Variants in HS2ST1 observed in about 807,000 individuals in gnomAD.
HS2ST1 encodes 2-O-sulfotransferase.
A neutral mutation model predicts 42.9 loss-of-function variants in HS2ST1; 18 were observed. That is an observed-to-expected ratio of 0.42 (90% confidence interval 0.29 to 0.62). The LOEUF is 0.62. Ranked by LOEUF, HS2ST1 falls within the 20% of genes least tolerant of loss-of-function variation. The pLI is 0.21. For missense variants in HS2ST1, 334 were observed against 433.8 expected, an observed-to-expected ratio of 0.77 and a Z score of 2.04; for synonymous variants, 146 against 152.9, an observed-to-expected ratio of 0.95 and a Z score of 0.33.
chr1:87,013,404 G>T (rs1040430844), intron 1 of HS2ST1, among the ~76,000 whole-genome samples: 2 of 152,212 alleles, frequency 1.3e-5, no homozygotes, highest in African/African-American at 4.8e-5. Context: ...GCTGTACCTT[G>T]GCCCCTTTTA....
intron 4 of HS2ST1, among the ~76,000 whole-genome samples, chr1:87,095,666 C>T (rs951884549): frequency 2.6e-5 from 4 of 152,098 alleles, no homozygotes; most frequent in African/African-American, 9.7e-5. Flanking sequence ...GGTTCTCAAA[C>T]TTTTTGATAT....
chr1:86,939,561 C>G lies in HS2ST1; in HGVS notation c.124+24401C>G, dbSNP rs367869418. Reference sequence around the variant, plus strand: ...TTAGAATAGTGGTTTTCGCTCTTGGCTACATGTAGGAATCATGTTGGAAGA... The same window carrying G: ...TTAGAATAGTGGTTTTCGCTCTTGGGTACATGTAGGAATCATGTTGGAAGA... On this transcript the variant is annotated intron_variant, in intron 1 of 6. Coordinates refer to ENST00000370550, the MANE Select transcript of HS2ST1 (RefSeq NM_012262.4). 3.2e-3 allele frequency among the ~76,000 whole-genome samples: 482 copies of G among 152,262 alleles called. 4 individuals are homozygous for G. Among genetic ancestry groups the G allele is most frequent in the South Asian group, 0.028 (133 of 4,824 alleles).
chr1:87,012,672 C>T (rs1649635402), intron 1 of HS2ST1, among the ~76,000 whole-genome samples: 2 of 152,178 alleles, frequency 1.3e-5, no homozygotes, highest in Non-Finnish European at 2.9e-5. Flanking sequence ...TTAACTCATT[C>T]AGCATTAACT....
At chr1:87,023,875 A>G (rs200917335) in intron 1 of HS2ST1, among the ~76,000 whole-genome samples, 9 of 151,932 alleles carry the variant, frequency 5.9e-5, no homozygotes, top group African/African-American at 1.7e-4. Context: ...AAATATATCT[A>G]TTGAGGTCAT....
Position 87,050,099 on chromosome 1 carries a change from C to T in HS2ST1, c.125-22835C>T, listed in dbSNP as rs550847085. Among the ~76,000 whole-genome samples the T allele has an allele frequency of 1.3e-5, 2 of 151,862 alleles. 1 individual carries two copies. The highest frequency in any genetic ancestry group is 4.2e-4 in the South Asian group (2 of 4,818). Reference sequence around the variant, plus strand: ...TTTGTGATAATGTGATATATCTTTTCTCATCCTTTTGCTTTTAAGTTATTT... The same window carrying T: ...TTTGTGATAATGTGATATATCTTTTTTCATCCTTTTGCTTTTAAGTTATTT... On this transcript the variant is annotated intron_variant, in intron 1 of 6. Transcript: ENST00000370550.
intron 1 of HS2ST1, among the ~76,000 whole-genome samples, chr1:87,014,109 G>A (rs114116059): frequency 0.01 from 1,590 of 152,086 alleles, 17 homozygotes; most frequent in Middle Eastern, 0.014. Flanking sequence ...CACATTTGTG[G>A]GTATCTTTAC....
intron 1 of HS2ST1, among the ~76,000 whole-genome samples, chr1:87,004,216 C>T (rs1033633310): frequency 2.6e-5 from 4 of 152,050 alleles, no homozygotes; most frequent in African/African-American, 9.7e-5. Context: ...CGTGGTGAAA[C>T]CCCATCTCTA....
At chr1:86,931,955 G>A (rs1383747357) in intron 1 of HS2ST1, among the ~76,000 whole-genome samples, 4 of 151,710 alleles carry the variant, frequency 2.6e-5, no homozygotes, top group Admixed American at 1.3e-4. Flanking sequence ...TCTTCTTTTT[G>A]TAGAGACAAG....
chr1:87,042,902 T>G (rs1650557429), intron 1 of HS2ST1, among the ~76,000 whole-genome samples: 1 of 152,148 alleles, frequency 6.6e-6, no homozygotes, highest in Admixed American at 6.5e-5. Context: ...TTACACCACA[T>G]AAAATTAAGT....
Position 87,097,840 on chromosome 1 carries a change from C to G in HS2ST1, c.591C>G (p.Thr197=). 6.2e-7 allele frequency: 1 copy of G among 1,613,886 alleles called. No individual in the cohort carries two copies. Among genetic ancestry groups the G allele is most frequent in the Non-Finnish European group, 8.5e-7 (1 of 1,179,906 alleles). The stretch of plus-strand genomic sequence containing the variant: ...GTGCTGCTTTGTCTTTGTTCTAGAC[C>G]TTTGATGAATGTGTAGCAGAAGGTG... ...LRRRKQGDKK[T]FDECVAEGGS... Residue 197 remains threonine (T), a splice_region_variant and synonymous_variant, in exon 5 of 7, where the codon ACC becomes ACG. Transcript: ENST00000370550.
At chr1:86,949,143 C>G (rs1647426584) in intron 1 of HS2ST1, among the ~76,000 whole-genome samples, 1 of 152,170 alleles carries the variant, frequency 6.6e-6, no homozygotes, top group Non-Finnish European at 1.5e-5. Flanking sequence ...GAGTCTTGCT[C>G]TTTCGCTCAG....
intron 1 of HS2ST1, among the ~76,000 whole-genome samples, chr1:87,016,956 T>C (rs1649776938): frequency 6.6e-6 from 1 of 152,128 alleles, no homozygotes; most frequent in African/African-American, 2.4e-5. Flanking sequence ...ATGTTATCTT[T>C]AGGGTGCCTT....
intron 1 of HS2ST1, among the ~76,000 whole-genome samples, chr1:86,976,624 T>C (rs922064163): frequency 6.7e-6 from 1 of 149,104 alleles, no homozygotes; most frequent in African/African-American, 2.4e-5. Flanking sequence ...TTAAATGCTA[T>C]GAAAAAGAAT....
intron 1 of HS2ST1, among the ~76,000 whole-genome samples, chr1:86,957,973 A>C (rs1647722017): frequency 3.3e-5 from 5 of 152,094 alleles, no homozygotes; most frequent in Admixed American, 2.6e-4. Context: ...TTGTATTTTT[A>C]GTAAAGACGG....
intron 1 of HS2ST1, among the ~76,000 whole-genome samples, chr1:87,050,087 G>C (rs1351694691): frequency 6.6e-6 from 1 of 151,812 alleles, no homozygotes; most frequent in Non-Finnish European, 1.5e-5. Flanking sequence ...GTGATAATGT[G>C]ATATATCTTT....
intron 1 of HS2ST1, among the ~76,000 whole-genome samples, chr1:87,035,696 A>G (rs1650356403): frequency 6.6e-6 from 1 of 152,198 alleles, no homozygotes; most frequent in African/African-American, 2.4e-5. Context: ...ATTTTATAAG[A>G]AAGTATCCTA....
At chr1:86,978,637 A>G (rs985137180) in intron 1 of HS2ST1, among the ~76,000 whole-genome samples, 7 of 152,308 alleles carry the variant, frequency 4.6e-5, no homozygotes, top group African/African-American at 1.7e-4. Flanking sequence ...ATAATTTGGC[A>G]TGTTGCAGAA....
At chr1:87,063,358 A>G (rs1651164127) in intron 1 of HS2ST1, among the ~76,000 whole-genome samples, 1 of 151,940 alleles carries the variant, frequency 6.6e-6, no homozygotes, top group Admixed American at 6.6e-5. Flanking sequence ...CTTTTTTGAG[A>G]CAAAGTCTCG....
At chr1:87,084,882 T>A (rs1443468925) in intron 3 of HS2ST1, among the ~76,000 whole-genome samples, 1 of 150,692 alleles carries the variant, frequency 6.6e-6, no homozygotes, top group Non-Finnish European at 1.5e-5. Context: ...TGGACTCAGG[T>A]GATCCTCCTG....
Sources: gnomAD v4.1 joint callset for allele counts (sites outside exome capture counted in the v4.1 genomes callset) on GRCh38, gnomAD v4.1.1 for gene constraint, MANE v1.5 for transcripts, NCBI Gene and HGNC (gene_info 2026-07-23, HGNC 2026-07-21) for gene names.